Variants in C6 observed in about 807,000 individuals in gnomAD.
C6 encodes complement C6.
C6 carries 101 observed loss-of-function variants against 112.9 expected under a neutral mutation model. That is an observed-to-expected ratio of 0.89 (90% CI 0.76 to 1.06). C6 has a LOEUF of 1.06. C6 is among the 50% of genes least tolerant of loss of function. The probability of loss-of-function intolerance (pLI) is 0.00; values close to 1 mark genes in which losing one functional copy is unlikely to be tolerated. For synonymous variants in C6, 431 were observed against 384.1 expected (o/e 1.12, Z -1.43); for missense variants, 1,202 against 1,104.6 (o/e 1.09, Z -1.25).
At chr5:41,154,145 G>C in intron 14 of C6, 147 bp from the exon 15 acceptor site, 2 of 705,254 alleles carry the variant, frequency 2.8e-6, no homozygotes, top group Non-Finnish European at 5.1e-6. Context: ...GAAAACCTGG[G>C]GGATAAGAAT....
At position 41,246,744 on chromosome 5, in the gene C6, T is replaced by C. The variant is rs572639954; in HGVS notation, c.-21+14450A>G. 7.9e-5 allele frequency among the ~76,000 whole-genome samples: 12 copies of C among 152,334 alleles called. 1 individual carries two copies. The highest frequency in any genetic ancestry group is 3.4e-3 in the Middle Eastern group (1 of 294). ...TGGATGTCTACTCCCAGCAGCTAAA[T>C]GCAATTCCTACTTGATTGAGAAGAG... is the stretch of plus-strand genomic sequence containing the variant. On this transcript the variant is annotated intron_variant, in intron 1 of 17. Coordinates refer to the C6 transcript ENST00000263413.
At chr5:41,239,852 C>T (rs1469381928) in intron 1 of C6, among the ~76,000 whole-genome samples, 1 of 152,086 alleles carries the variant, frequency 6.6e-6, no homozygotes, top group African/African-American at 2.4e-5. Flanking sequence ...ATTTCTCTTT[C>T]ATTTATGAAA....
At chr5:41,158,074 T>C (rs1747088275) in intron 13 of C6, among the ~76,000 whole-genome samples, 1 of 152,160 alleles carries the variant, frequency 6.6e-6, no homozygotes, top group Non-Finnish European at 1.5e-5. Flanking sequence ...ATAGGAAGCA[T>C]GACTTCTGTG....
intron 1 of C6, among the ~76,000 whole-genome samples, chr5:41,245,479 C>T (rs1596666): frequency 0.18 from 26,513 of 147,858 alleles, 2,782 homozygotes; most frequent in South Asian, 0.36. Context: ...TGAGATAGCA[C>T]CATTGCACTC....
rs751009630 is a variant in C6, at chr5:41,201,635, A to G, written c.223T>C (p.Trp75Arg). ...CSKQETRECN[W>R]QRCPINCLLG... ...AGGCAGTTGATGGGGCATCTTTGCC[A>G]GTTACATTCTCTAGTCTCCTGCTTG... Residue 75 changes from tryptophan (W) to arginine (R), a missense_variant, in exon 3 of 18, where the codon TGG becomes CGG. Trp to Arg is a moderately radical substitution (Grantham distance 101, BLOSUM62 -3). Coordinates refer to ENST00000337836, the MANE Select transcript of C6 (RefSeq NM_000065.5). The G allele has an allele frequency of 1.2e-6, 2 of 1,613,700 alleles. No individual in the cohort carries two copies. Among genetic ancestry groups the G allele is most frequent in the South Asian group, 1.1e-5 (1 of 91,070 alleles).
intron 1 of C6, among the ~76,000 whole-genome samples, chr5:41,232,512 C>T (rs1020710550): frequency 3.7e-4 from 57 of 152,012 alleles, no homozygotes; most frequent in African/African-American, 1.2e-3. Flanking sequence ...GTTGCTTTTG[C>T]TAGGAAGCTT....
At chr5:41,177,612 A>T (rs936178893) in intron 7 of C6, among the ~76,000 whole-genome samples, 16 of 151,896 alleles carry the variant, frequency 1.1e-4, no homozygotes, top group Non-Finnish European at 2.2e-4. Context: ...TTAATTATTA[A>T]CCGTATTCCT....
At position 41,184,887 on chromosome 5, in the gene C6, T is replaced by C. The variant is rs1749648892; in HGVS notation, c.726+1183A>G. ...TGAAAGTACTTTGAAGACTCTAAGG[T>C]ATCATATGAGTATGAAGTGTTATCT... is the stretch of plus-strand genomic sequence containing the variant. On this transcript the variant is annotated intron_variant, in intron 6 of 17. Transcript: ENST00000337836. Among the ~76,000 whole-genome samples the C allele has an allele frequency of 2.0e-5, 3 of 152,218 alleles. No homozygotes were observed. The South Asian group carries it at 6.2e-4, about 31-fold the overall frequency.
Position 41,176,635 on chromosome 5 carries a change from ATCAGAAAGG to A in C6, c.999_1007del (p.Leu334_Asp336del), listed in dbSNP as rs1216687216. 1 of 1,613,932 alleles carries A rather than the reference ATCAGAAAGG, an allele frequency of 6.2e-7. No individual in the cohort carries two copies. ...GATGGTTAAGTGCTTTCAAAAAGAC[ATCAGAAAGG>A]TGCAGATCTTTAGCTTTCGTTGTGA... On this transcript the variant is annotated inframe_deletion, in exon 8 of 18. Coordinates refer to ENST00000337836, the MANE Select transcript of C6 (RefSeq NM_000065.5).
intron 1 of C6, among the ~76,000 whole-genome samples, chr5:41,204,806 A>G (rs150408644): frequency 6.6e-6 from 1 of 151,230 alleles, no homozygotes; most frequent in Non-Finnish European, 1.5e-5. Flanking sequence ...AGGAGGTGGG[A>G]CTACAGGTGC....
rs1750892088 is a variant in C6, at chr5:41,200,023, T to G, written c.301-111A>C. ...CAGTGATTTTTCCTATGGTAATATT[T>G]CTTATATTTTTACTAATGATTCTTC... On this transcript the variant is annotated intron_variant, in intron 3 of 17. Coordinates refer to ENST00000337836, the MANE Select transcript of C6 (RefSeq NM_000065.5). The G allele has an allele frequency of 5.2e-6, 5 of 957,532 alleles. No individual in the cohort carries two copies. In the Admixed American group the frequency reaches 9.9e-5, roughly 19 times the overall value. 59.3% of individuals were successfully genotyped at this position (957,532 alleles called of 1,614,324 possible).
In C6 at chr5:41,181,494, A is replaced by G. The variant is rs771644662; in HGVS notation, c.792T>C (p.Asn264=). The G allele has an allele frequency of 5.6e-6, 9 of 1,613,790 alleles. No homozygotes were observed. Among genetic ancestry groups the G allele is most frequent in the Non-Finnish European group, 7.6e-6 (9 of 1,179,826 alleles). Residue 264 remains asparagine (N), a synonymous_variant, in exon 7 of 18, where the codon AAT becomes AAC. Transcript: ENST00000337836. ...TTGAGAATGAGCCTTGTTGATTTTC[A>G]TTGTGTCCAAGAGAAGTTAAATCCT... ...FYKDLTSLGH[N]ENQQGSFSSQ...
chr5:41,254,245 C>A (rs1741538925), intron 1 of C6, among the ~76,000 whole-genome samples: 1 of 152,102 alleles, frequency 6.6e-6, no homozygotes, highest in East Asian at 1.9e-4. Flanking sequence ...ACTAAAAATA[C>A]AAAAAATTAA....
Position 41,159,233 on chromosome 5 carries a change from C to A in C6, c.1705G>T (p.Gly569Cys), listed in dbSNP as rs754488543. 2 of 1,613,254 alleles carry A rather than the reference C, an allele frequency of 1.2e-6. No homozygotes were observed. Among genetic ancestry groups the A allele is most frequent in the South Asian group, 1.1e-5 (1 of 91,048 alleles). The change falls in exon 12 of 18, where the codon GGT (glycine) becomes TGT (cysteine). Residue 569 changes from glycine to cysteine, a missense_variant. By Grantham distance (159) the Gly-to-Cys change is radical. Transcript: ENST00000337836. ...YKSNAVDGQW[G>C]CWSSWSTCDA... ...CAGGTACTCCAGGAAGACCAACAAC[C>A]CCACTGTCCGTCTACTGCATCTGGA...
At chr5:41,255,372 A>G (rs867765005) in intron 1 of C6, among the ~76,000 whole-genome samples, 7 of 150,998 alleles carry the variant, frequency 4.6e-5, no homozygotes, top group African/African-American at 1.5e-4. Flanking sequence ...AAAAAAAAAA[A>G]GATAAGAGTC....
intron 17 of C6, among the ~76,000 whole-genome samples, chr5:41,147,505 C>T (rs996331480): frequency 5.9e-5 from 9 of 152,082 alleles, no homozygotes; most frequent in Non-Finnish European, 8.8e-5. Context: ...TTAAGTGGAT[C>T]GGAAAAGAAC....
chr5:41,226,946 A>C (rs775106068), intron 1 of C6, among the ~76,000 whole-genome samples: 1 of 152,150 alleles, frequency 6.6e-6, no homozygotes, highest in African/African-American at 2.4e-5. Flanking sequence ...TTGACATACT[A>C]ATTTTATTTC....
At chr5:41,239,291 T>G (rs546522157) in intron 1 of C6, among the ~76,000 whole-genome samples, 1 of 152,098 alleles carries the variant, frequency 6.6e-6, no homozygotes, top group African/African-American at 2.4e-5. Context: ...TTTGTAGTTT[T>G]AGTAGAGATG....
At chr5:41,227,423 T>G (rs1739590321) in intron 1 of C6, among the ~76,000 whole-genome samples, 1 of 152,180 alleles carries the variant, frequency 6.6e-6, no homozygotes, top group Admixed American at 6.5e-5. Flanking sequence ...ACTCTATTGA[T>G]TGTTATCTTG....
Sources: allele counts gnomAD v4.1 joint callset (sites outside exome capture counted in the v4.1 genomes callset), GRCh38; gene constraint gnomAD v4.1.1; transcripts MANE v1.5; gene names NCBI Gene and HGNC (gene_info 2026-07-23, HGNC 2026-07-21).